Variants in PCDHGA7 observed in about 807,000 individuals in gnomAD.
The protein encoded by PCDHGA7 is protocadherin gamma subfamily A, 7.
PCDHGA7 carries 44 observed loss-of-function variants against 58.3 expected under a neutral mutation model. The observed-to-expected ratio is 0.75, with a 90% CI of 0.59 to 0.97. The LOEUF (loss-of-function observed/expected upper bound fraction) is 0.97, where lower values mean the gene tolerates loss of function less well. Among genes scored for constraint, PCDHGA7 ranks in the 50% least tolerant of loss-of-function variants. The probability of loss-of-function intolerance (pLI) is 0.00; values close to 1 mark genes in which losing one functional copy is unlikely to be tolerated. For synonymous variants in PCDHGA7, 516 were observed against 504.2 expected, an observed-to-expected ratio of 1.02 and a Z score of -0.31; for missense variants, 1,266 against 1,188.7, an observed-to-expected ratio of 1.06 and a Z score of -0.96.
In PCDHGA7 at chr5:141,500,938, G is replaced by A. The variant is rs1317178701; in HGVS notation, c.2484-4455G>A. On this transcript the variant is annotated intron_variant, in intron 2 of 3. Transcript: ENST00000518325. Reference sequence around the variant, plus strand: ...GGCTGGGGTGCAGTGGCGCCATCTCGGCTCACTGCAAGCTCCACCTCCTGG... The same window carrying A: ...GGCTGGGGTGCAGTGGCGCCATCTCAGCTCACTGCAAGCTCCACCTCCTGG... 2.6e-5 allele frequency among the ~76,000 whole-genome samples: 4 copies of A among 151,060 alleles called. No homozygotes were observed. The East Asian group carries it at 5.8e-4, about 22-fold the overall frequency.
intron 1 of PCDHGA7, among the ~76,000 whole-genome samples, chr5:141,473,413 G>A (rs1282997381): frequency 6.6e-6 from 1 of 152,156 alleles, no homozygotes; most frequent in Non-Finnish European, 1.5e-5. Context: ...CTTCTTCAGT[G>A]GGGGAAGCAG....
intron 1 of PCDHGA7, among the ~76,000 whole-genome samples, chr5:141,401,018 G>C (rs2094104038): frequency 6.6e-6 from 1 of 152,108 alleles, no homozygotes; most frequent in Admixed American, 6.5e-5. Flanking sequence ...ATGGATTTAT[G>C]ATTTTTTGAA....
At chr5:141,460,780 A>G (rs1387522399) in intron 1 of PCDHGA7, among the ~76,000 whole-genome samples, 3 of 152,042 alleles carry the variant, frequency 2.0e-5, no homozygotes, top group Non-Finnish European at 4.4e-5. Context: ...GTATGTATAC[A>G]TATATACACA....
intron 1 of PCDHGA7, among the ~76,000 whole-genome samples, chr5:141,443,594 T>C (rs1040469046): frequency 1.3e-5 from 2 of 152,234 alleles, no homozygotes; most frequent in Non-Finnish European, 2.9e-5. Flanking sequence ...CAGAATGTGG[T>C]ATATGAAATG....
Position 141,486,979 on chromosome 5 carries a change from C to T in PCDHGA7, c.2425-7828C>T. On this transcript the variant is annotated intron_variant, in intron 1 of 3. Transcript: ENST00000518325. This position sits in a 1 kb window ranked among gnomAD's most constrained non-coding sequence, Gnocchi z 5.0. ...CTGCTGTGGACTTGGATTCAGGTTACAATGCTTGGGTTTCCTATCAGCTCC... is the reference window on the plus strand; with the variant it reads ...CTGCTGTGGACTTGGATTCAGGTTATAATGCTTGGGTTTCCTATCAGCTCC... 6.2e-7 allele frequency: 1 copy of T among 1,614,200 alleles called. No individual in the cohort carries two copies. Among genetic ancestry groups the T allele is most frequent in the Non-Finnish European group, 8.5e-7 (1 of 1,180,032 alleles).
Position 141,489,341 on chromosome 5 carries a change from CAGT to C in PCDHGA7, c.2425-5465_2425-5463del. The stretch of plus-strand genomic sequence containing the variant: ...TGGGTGTCTGGGCAGCTTCGTTACT[CAGT>C]GGTGGAGGAGTCTGAGCCGGGGACG... On this transcript the variant is annotated intron_variant, in intron 1 of 3. Coordinates refer to ENST00000518325, the MANE Select transcript of PCDHGA7 (RefSeq NM_018920.4). This position sits in a 1 kb window ranked among gnomAD's most constrained non-coding sequence, Gnocchi z 4.5. The C allele has an allele frequency of 6.2e-7, 1 of 1,609,088 alleles. No homozygotes were observed. Among genetic ancestry groups the C allele is most frequent in the Non-Finnish European group, 8.5e-7 (1 of 1,176,770 alleles).
At chr5:141,501,290 TACACACACACACACACAC>T (rs55762287) in intron 2 of PCDHGA7, among the ~76,000 whole-genome samples, 6 of 136,162 alleles carry the variant, frequency 4.4e-5, no homozygotes, top group South Asian at 2.4e-4. Flanking sequence ...TATTCCCTTA[TACACACACACACACACAC>T]ACACACACAC....
chr5:141,477,705 G>A lies in PCDHGA7; in HGVS notation c.2425-17102G>A, dbSNP rs1285254654. On this transcript the variant is annotated intron_variant, in intron 1 of 3. Coordinates refer to ENST00000518325, the MANE Select transcript of PCDHGA7 (RefSeq NM_018920.4). The surrounding 1 kb of genome is among the most constrained non-coding windows in gnomAD (Gnocchi z 4.9). ...TTAGTGCCCCTAGACTATGAGGATCGGCGGGAATTTGAATTAACAGCTCAT... is the reference window on the plus strand; with the variant it reads ...TTAGTGCCCCTAGACTATGAGGATCAGCGGGAATTTGAATTAACAGCTCAT... The A allele has an allele frequency of 6.2e-7, 1 of 1,614,008 alleles. No homozygotes were observed. Among genetic ancestry groups the A allele is most frequent in the Non-Finnish European group, 8.5e-7 (1 of 1,180,048 alleles).
intron 1 of PCDHGA7, chr5:141,427,830 C>G (rs749612858): frequency 7.8e-6 from 12 of 1,538,206 alleles, no homozygotes; most frequent in Non-Finnish European, 1.1e-5. Context: ...GGTCGCGCAG[C>G]GTGCCTTCGA....
At position 141,383,980 on chromosome 5, in the gene PCDHGA7, C is replaced by T; in HGVS notation, c.1081C>T (p.Pro361Ser). Residue 361 changes from proline (P) to serine (S), a missense_variant, in exon 1 of 4, where the codon CCT (proline) becomes TCT (serine). Physicochemically the swap from Pro to Ser is moderately conservative, Grantham distance 74. Transcript: ENST00000518325. Reference sequence around the variant, plus strand: ...AAGTAGCTCAATCCCTGAAGACACACCTCTTGGGACAGTCATTGCTCTTTT... The same window carrying T: ...AAGTAGCTCAATCCCTGAAGACACATCTCTTGGGACAGTCATTGCTCTTTT... ...SLSSSIPEDT[P>S]LGTVIALFYL... is the part of the protein sequence containing the mutation. 1 of 1,613,696 alleles carries T rather than the reference C, an allele frequency of 6.2e-7. No homozygotes were observed. The highest frequency in any genetic ancestry group is 1.7e-5 in the Admixed American group (1 of 60,020).
intron 1 of PCDHGA7, among the ~76,000 whole-genome samples, chr5:141,438,633 T>C (rs1222106413): frequency 2.9e-5 from 1 of 34,046 alleles, no homozygotes; most frequent in Non-Finnish European, 5.1e-5. Context: ...TATATATATA[T>C]ATACACACAC....
At position 141,385,295 on chromosome 5, in the gene PCDHGA7, A is replaced by C. The variant is rs1422997974; in HGVS notation, c.2396A>C (p.Glu799Ala). ...DSLLTSVDFQ[E>A]CKENLPSIQQ... ...TTGCTAACATCCGTAGATTTTCAGG[A>C]ATGTAAAGAAAACCTGCCAAGTATT... Residue 799 changes from glutamate (E) to alanine (A), a missense_variant, in exon 1 of 4, where the codon GAA (glutamate) becomes GCA (alanine). By Grantham distance (107) the Glu-to-Ala change is moderately radical. Coordinates refer to ENST00000518325, the MANE Select transcript of PCDHGA7 (RefSeq NM_018920.4). 1 of 1,613,146 alleles carries C rather than the reference A, an allele frequency of 6.2e-7. No homozygotes were observed. The highest frequency in any genetic ancestry group is 1.3e-5 in the African/African-American group (1 of 75,054).
chr5:141,490,903 C>G lies in PCDHGA7; in HGVS notation c.2425-3904C>G. 6.2e-7 allele frequency: 1 copy of G among 1,613,764 alleles called. No homozygotes were observed. The highest frequency in any genetic ancestry group is 1.7e-5 in the Admixed American group (1 of 60,022). On this transcript the variant is annotated intron_variant, in intron 1 of 3. Coordinates refer to ENST00000518325, the MANE Select transcript of PCDHGA7 (RefSeq NM_018920.4). This position sits in a 1 kb window ranked among gnomAD's most constrained non-coding sequence, Gnocchi z 5.4. ...CAACACATCTCTGCATGTGTTTGTC[C>G]TAGACGAGAATGATAATGCCCCAGC... is the stretch of plus-strand genomic sequence containing the variant.
Position 141,475,063 on chromosome 5 carries a change from C to T in PCDHGA7, c.2425-19744C>T, listed in dbSNP as rs552623067. Among the ~76,000 whole-genome samples the T allele has an allele frequency of 1.1e-4, 16 of 152,320 alleles. No individual in the cohort carries two copies. The South Asian group carries it at 2.9e-3, about 28-fold the overall frequency. The stretch of plus-strand genomic sequence containing the variant: ...TTGTATTTTCTAAAGATTTGTGGAG[C>T]TTTGCTGCCATTATTTCAATAATTT... On this transcript the variant is annotated intron_variant, in intron 1 of 3. Coordinates refer to ENST00000518325, the MANE Select transcript of PCDHGA7 (RefSeq NM_018920.4).
chr5:141,416,006 G>A, intron 1 of PCDHGA7: 1 of 253,216 alleles, frequency 3.9e-6, no homozygotes, highest in Non-Finnish European at 7.3e-6. Context: ...GGTCTGGTAA[G>A]AATAGGTAAG....
At chr5:141,412,666 G>C (rs991501719) in intron 1 of PCDHGA7, 3 of 152,120 alleles carry the variant, frequency 2.0e-5, no homozygotes, top group African/African-American at 7.2e-5. Flanking sequence ...ACACTAATAT[G>C]ACCTAAAATA....
At chr5:141,499,025 G>A (rs561539084) in intron 2 of PCDHGA7, among the ~76,000 whole-genome samples, 4 of 140,712 alleles carry the variant, frequency 2.8e-5, no homozygotes, top group Admixed American at 1.4e-4. Context: ...AGGAAGGAAG[G>A]AAGAAAAGAA....
chr5:141,488,939 T>C (rs1229571704), intron 1 of PCDHGA7, among the ~76,000 whole-genome samples: 1 of 152,114 alleles, frequency 6.6e-6, no homozygotes, highest in Non-Finnish European at 1.5e-5. Context: ...GGAAACTCCA[T>C]AATTGGTTGA....
chr5:141,450,006 C>CTTTT (rs1554136305), intron 1 of PCDHGA7, among the ~76,000 whole-genome samples: 4 of 132,984 alleles, frequency 3.0e-5, no homozygotes, highest in South Asian at 2.3e-4. Flanking sequence ...TGCCATGTCT[C>CTTTT]TTTTTTTTTT....
Sources: gnomAD v4.1 joint callset for allele counts (sites outside exome capture counted in the v4.1 genomes callset) on GRCh38, gnomAD v4.1.1 for gene constraint, Gnocchi (gnomAD v3.1) non-coding constraint, MANE v1.5 for transcripts, NCBI Gene and HGNC (gene_info 2026-07-23, HGNC 2026-07-21) for gene names.